Variants in EEA1 observed in about 807,000 individuals in gnomAD.
EEA1 encodes early endosome antigen 1.
A neutral mutation model predicts 209.2 loss-of-function variants in EEA1; 111 were observed. The observed-to-expected ratio is 0.53, with a 90% confidence interval of 0.45 to 0.62. The LOEUF (loss-of-function observed/expected upper bound fraction) is 0.62. EEA1 is among the 20% of genes least tolerant of loss of function. The probability of loss-of-function intolerance (pLI) is 0.00; values close to 1 mark genes in which losing one functional copy is unlikely to be tolerated. For synonymous variants in EEA1, 536 were observed against 540.6 expected (o/e 0.99, Z 0.12); for missense variants, 1,343 against 1,530.8 (o/e 0.88, Z 2.05).
Position 92,827,968 on chromosome 12 carries a change from C to A in EEA1, c.1348G>T (p.Asp450Tyr). 6.2e-7 allele frequency: 1 copy of A among 1,602,300 alleles called. No individual in the cohort carries two copies. Among genetic ancestry groups the A allele is most frequent in the South Asian group, 1.1e-5 (1 of 88,774 alleles). ...AAATCAGCCACTTGTTGTTCTTTATCCATCAACTTTTCACTTGAAAGCTGT... is the reference window on the plus strand; with the variant it reads ...AAATCAGCCACTTGTTGTTCTTTATACATCAACTTTTCACTTGAAAGCTGT... Reference protein sequence around the residue: ...QRQLSSEKLMDKEQQVADLQL... With the variant: ...QRQLSSEKLMYKEQQVADLQL... Residue 450 changes from aspartate (D) to tyrosine (Y), a missense_variant, in exon 12 of 29, where the codon GAT (aspartate) becomes TAT (tyrosine). Asp to Tyr is a radical substitution (Grantham distance 160). Coordinates refer to ENST00000322349, the MANE Select transcript of EEA1 (RefSeq NM_003566.4).
Position 92,929,197 on chromosome 12 carries a change from G to C in EEA1, c.-131C>G. On this transcript the variant is annotated 5_prime_UTR_variant, in exon 1 of 29. Transcript: ENST00000322349. ...GGGAAGGAGGTCGGGGCGAGGCGGT[G>C]GCGACGGCCGCTCGGGCGGCCCCGA... 1.1e-6 allele frequency: 1 copy of C among 895,694 alleles called. No individual in the cohort carries two copies. The highest frequency in any genetic ancestry group is 1.6e-6 in the Non-Finnish European group (1 of 614,494). The allele number at this position is 895,694 out of a possible 1,614,324, so 55.5% of individuals were successfully genotyped here.
chr12:92,843,951 G>A (rs1251683644), intron 9 of EEA1, among the ~76,000 whole-genome samples: 2 of 152,018 alleles, frequency 1.3e-5, no homozygotes, highest in Non-Finnish European at 1.5e-5. Flanking sequence ...CTTCCAGAGT[G>A]TGTGGAACTT....
intron 2 of EEA1, among the ~76,000 whole-genome samples, chr12:92,873,201 G>C (rs187207608): frequency 6.6e-6 from 1 of 152,118 alleles, no homozygotes; most frequent in Non-Finnish European, 1.5e-5. Flanking sequence ...TTCTTCTAGA[G>C]TTTTTGTGTA....
rs142319530 is a variant in EEA1, at chr12:92,890,584, A to G, written c.117+1045T>C. Among the ~76,000 whole-genome samples, 84 of 152,274 alleles carry G rather than the reference A, an allele frequency of 5.5e-4. No homozygotes were observed. The East Asian group carries it at 0.016, about 29-fold the overall frequency. On this transcript the variant is annotated intron_variant, in intron 2 of 28. Transcript: ENST00000322349. ...CAGGCACTGCTCAATACCAATACCC[A>G]TTGGAATTGTTTTTTGGTGTTGTTC...
Position 92,778,115 on chromosome 12 carries a change from G to T in EEA1, c.3719C>A (p.Thr1240Asn). 1 of 1,613,312 alleles carries T rather than the reference G, an allele frequency of 6.2e-7. No individual in the cohort carries two copies. Among genetic ancestry groups the T allele is most frequent in the Non-Finnish European group, 8.5e-7 (1 of 1,179,504 alleles). ...TTCATTTAATGCTGTAATCTGCATGGTAAGTTTAGCCTCATTTTCTTCATG... is the reference window on the plus strand; with the variant it reads ...TTCATTTAATGCTGTAATCTGCATGTTAAGTTTAGCCTCATTTTCTTCATG... ...KKHEENEAKL[T>N]MQITALNENL... is the part of the protein sequence containing the mutation. The change falls in exon 26 of 29, where the codon ACC becomes AAC. Residue 1240 changes from threonine to asparagine, a missense_variant. Thr to Asn is a moderately conservative substitution (Grantham distance 65). Coordinates refer to ENST00000322349, the MANE Select transcript of EEA1 (RefSeq NM_003566.4).
At chr12:92,802,928 G>A (rs1216851196) in intron 18 of EEA1, among the ~76,000 whole-genome samples, 194 bp from the exon 19 acceptor site, 2 of 152,034 alleles carry the variant, frequency 1.3e-5, no homozygotes, top group Non-Finnish European at 2.9e-5. Flanking sequence ...TTTAACAGAT[G>A]TAGATTATTT....
rs1876403734 is a variant in EEA1 at position 92,828,062 on chromosome 12, CTT to C, written c.1255-3_1255-2del. 1 of 1,544,534 alleles carries C rather than the reference CTT, an allele frequency of 6.5e-7. No individual in the cohort carries two copies. Among genetic ancestry groups the C allele is most frequent in the Non-Finnish European group, 8.7e-7 (1 of 1,153,928 alleles). On this transcript the variant is annotated splice_acceptor_variant and splice_polypyrimidine_tract_variant and intron_variant, in intron 11 of 28. Transcript: ENST00000322349. LOFTEE classifies it high-confidence loss of function. ...CTGTCTCCAGAAGTTTGCTATGTAA[CTT>C]TAAAAAAAGAAAAAAAAATGTATGT... is the stretch of plus-strand genomic sequence containing the variant.
chr12:92,780,438 T>C, intron 23 of EEA1, 27 bp from the exon 24 acceptor site: 3 of 1,402,036 alleles, frequency 2.1e-6, no homozygotes, highest in Non-Finnish European at 2.9e-6. Context: ...TATTTTAAAA[T>C]TATTTTAAAG....
chr12:92,787,350 C>T (rs565870108), intron 22 of EEA1, among the ~76,000 whole-genome samples: 1 of 152,186 alleles, frequency 6.6e-6, no homozygotes, highest in South Asian at 2.1e-4. Context: ...AAACTTGATA[C>T]TTTATCTAAT....
chr12:92,863,414 G>A (rs1878234337), intron 3 of EEA1, among the ~76,000 whole-genome samples: 1 of 152,128 alleles, frequency 6.6e-6, no homozygotes, highest in Non-Finnish European at 1.5e-5. Context: ...CGAACTACCA[G>A]CTTTTGAGGA....
chr12:92,885,017 T>C (rs1273025393), intron 2 of EEA1, among the ~76,000 whole-genome samples: 4 of 151,358 alleles, frequency 2.6e-5, no homozygotes, highest in Non-Finnish European at 5.9e-5. Context: ...CTGATCATGA[T>C]GCAGAATAAA....
chr12:92,908,661 T>C (rs981026190), intron 1 of EEA1, among the ~76,000 whole-genome samples: 16 of 152,104 alleles, frequency 1.1e-4, no homozygotes, highest in African/African-American at 3.9e-4. Flanking sequence ...TTAGCCATAA[T>C]ATTCATATTG....
At chr12:92,887,961 T>G (rs971905951) in intron 2 of EEA1, among the ~76,000 whole-genome samples, 1 of 151,350 alleles carries the variant, frequency 6.6e-6, no homozygotes, top group Non-Finnish European at 1.5e-5. Context: ...CACACACACA[T>G]AACAGGAAAT....
chr12:92,849,560 G>A (rs1356571761), intron 9 of EEA1, among the ~76,000 whole-genome samples: 1 of 152,162 alleles, frequency 6.6e-6, no homozygotes, highest in East Asian at 1.9e-4. Context: ...GGAATTAAGT[G>A]TTATTGGGCT....
chr12:92,816,422 T>TC (rs537650218), intron 14 of EEA1, 22 bp from the exon 15 acceptor site: 1 of 1,602,746 alleles, frequency 6.2e-7, no homozygotes, highest in South Asian at 1.1e-5. Context: ...GTAAGACTAA[T>TC]CGTGAAGTTC....
intron 2 of EEA1, among the ~76,000 whole-genome samples, chr12:92,890,885 A>G (rs1210059985): frequency 1.3e-5 from 2 of 152,134 alleles, no homozygotes; most frequent in Non-Finnish European, 2.9e-5. Flanking sequence ...CAATACACAG[A>G]CTCATCAACC....
intron 2 of EEA1, chr12:92,883,667 CT>C: frequency 1.5e-6 from 1 of 656,686 alleles, no homozygotes. Flanking sequence ...TTTTCTCTAT[CT>C]TACTTTATCG....
intron 1 of EEA1, among the ~76,000 whole-genome samples, chr12:92,908,850 G>A (rs1052035320): frequency 6.6e-6 from 1 of 152,074 alleles, no homozygotes; most frequent in African/African-American, 2.4e-5. Flanking sequence ...CTGAGACAGA[G>A]TCTGGCTCTC....
chr12:92,837,903 C>T (rs1161217199), intron 10 of EEA1, among the ~76,000 whole-genome samples: 3 of 152,130 alleles, frequency 2.0e-5, no homozygotes, highest in Admixed American at 1.3e-4. Flanking sequence ...ACTTGAAAAT[C>T]ACCACTGTCA....
Sources: gnomAD v4.1 joint callset for allele counts (sites outside exome capture counted in the v4.1 genomes callset) on GRCh38, gnomAD v4.1.1 for gene constraint, MANE v1.5 for transcripts, NCBI Gene and HGNC (gene_info 2026-07-23, HGNC 2026-07-21) for gene names.